Variants in PNCK observed in about 807,000 individuals in gnomAD.
PNCK encodes the protein pregnancy up-regulated nonubiquitous CaM kinase, also known as calcium/calmodulin-dependent protein kinase type 1B.
In PNCK, 21 loss-of-function variants were observed where a neutral mutation model predicts 28.3. The ratio of observed to expected loss-of-function variants is 0.74; its 90% confidence interval spans 0.53 to 1.07. The LOEUF (loss-of-function observed/expected upper bound fraction) is 1.07, where lower values mean the gene tolerates loss of function less well. Ranked by LOEUF, PNCK falls within the 50% of genes least tolerant of loss-of-function variation. PNCK has a pLI of 0.00. For missense variants in PNCK, 250 were observed against 298.3 expected, an observed-to-expected ratio of 0.84 and a Z score of 1.19; for synonymous variants, 136 against 125.2, an observed-to-expected ratio of 1.09 and a Z score of -0.58.
chrX:153,674,148 C>T (rs781933806), upstream of PNCK: 3 of 1,209,155 alleles, frequency 2.5e-6, no homozygotes, highest in Non-Finnish European at 3.4e-6. Flanking sequence ...CAGGCTGACC[C>T]GGCCACTTGC....
chrX:153,673,522 A>C (rs1569538812), intron 1 of PNCK: 2 of 361,089 alleles, frequency 5.5e-6, no homozygotes, highest in Non-Finnish European at 8.8e-6. Context: ...TGCACCTGCG[A>C]CCCCCGCGCG....
At chrX:153,675,522 T>C (rs1408762938), upstream of PNCK, among the ~76,000 whole-genome samples, 1 of 110,848 alleles carries the variant, frequency 9.0e-6, no homozygotes, top group Non-Finnish European at 1.9e-5. Flanking sequence ...GGGGTTTTTT[T>C]TGGTTTGTTA....
At chrX:153,676,507 T>C (rs1557041594), upstream of PNCK, among the ~76,000 whole-genome samples, 2 of 111,884 alleles carry the variant, frequency 1.8e-5, no homozygotes, top group African/African-American at 6.5e-5. Flanking sequence ...GGTGTACTCA[T>C]GTGGCAAAAC....
At chrX:153,678,731 G>A (rs529305165), upstream of PNCK, among the ~76,000 whole-genome samples, 1 of 111,289 alleles carries the variant, frequency 9.0e-6, no homozygotes, top group Middle Eastern at 4.6e-3. Flanking sequence ...CACCATTACA[G>A]CATCATACAG....
rs143688303 is a variant in PNCK at position 153,671,890 on chromosome X, C to G, written c.404G>C (p.Arg135Pro). ...GCCCCAGCCAGGCACCTTGAGGTCC[C>G]GGTGCACGATCCCCAGGCTGTGCAG... ...SYLHSLGIVH[R>P]DLKPENLLYA... The change falls in exon 5 of 12, where the codon CGG (arginine) becomes CCG (proline). Residue 135 changes from arginine to proline, a missense_variant. Physicochemically the swap from Arg to Pro is moderately radical, Grantham distance 103. Transcript: ENST00000340888. 1.7e-6 allele frequency: 2 copies of G among 1,208,052 alleles called. No homozygotes were observed. The highest frequency in any genetic ancestry group is 2.2e-6 in the Non-Finnish European group (2 of 894,350).
At chrX:153,679,142 T>C (rs1390698252), upstream of PNCK, among the ~76,000 whole-genome samples, 4 of 111,578 alleles carry the variant, frequency 3.6e-5, no homozygotes, top group African/African-American at 1.3e-4. Context: ...TATAAATATA[T>C]GTGGGGTGGT....
chrX:153,671,302 G>T lies in PNCK; in HGVS notation c.597C>A (p.Gly199=). The T allele has an allele frequency of 8.3e-7, 1 of 1,209,994 alleles. No individual in the cohort carries two copies. Among genetic ancestry groups the T allele is most frequent in the Non-Finnish European group, 1.1e-6 (1 of 894,344 alleles). Residue 199 remains glycine, a synonymous_variant, in exon 7 of 12, where the codon GGC becomes GGA. Transcript: ENST00000340888. The part of the protein sequence containing the change: ...YGKAVDVWAL[G]VISYILLCGY... ...TCACTCACAGGATGTAGGAGATGAC[G>T]CCCAGGGCCCACACATCTACGGCCT...
chrX:153,675,915 G>A (rs2091362898), upstream of PNCK, among the ~76,000 whole-genome samples: 1 of 109,958 alleles, frequency 9.1e-6, no homozygotes, highest in Admixed American at 9.5e-5. Context: ...GGCTGAGGCT[G>A]GAGGATCACT....
chrX:153,672,339 C>T, intron 3 of PNCK, 139 bp from the exon 4 acceptor site: 1 of 846,249 alleles, frequency 1.2e-6, no homozygotes. Context: ...CCTGCCCGGT[C>T]CAGGAAGGCA....
intron 11 of PNCK, 42 bp from the exon 12 acceptor site, chrX:153,670,172 G>A (rs2091275490): frequency 7.5e-6 from 3 of 399,827 alleles, no homozygotes; most frequent in South Asian, 3.4e-5. Context: ...GTCAGGAGCC[G>A]GCCTGCCAGC....
At chrX:153,675,461 G>A (rs995023927), upstream of PNCK, among the ~76,000 whole-genome samples, 11 of 111,692 alleles carry the variant, frequency 9.8e-5, no homozygotes, top group African/African-American at 3.6e-4. Context: ...AGGTGGCCCT[G>A]GCCTCATGTA....
chrX:153,673,932 G>C (rs1199975557), upstream of PNCK: 77 of 1,038,010 alleles, frequency 7.4e-5, no homozygotes, highest in Non-Finnish European at 8.4e-5. Flanking sequence ...AGGGCACCTT[G>C]TAAGGCAATC....
chrX:153,685,811 G>A (rs1206617286), intron 1 of PNCK, among the ~76,000 whole-genome samples: 2 of 113,386 alleles, frequency 1.8e-5, no homozygotes, highest in African/African-American at 6.4e-5. Context: ...TGCAGTTTGG[G>A]GTCTGGCCCA....
upstream of PNCK, among the ~76,000 whole-genome samples, chrX:153,675,987 C>CTTTTTTTTTTTTTTT (rs59527995): frequency 2.6e-4 from 21 of 79,946 alleles, no homozygotes; most frequent in Non-Finnish European, 2.7e-4. Flanking sequence ...TTTTTCTTTT[C>CTTTTTTTTTTTTTTT]TTTTTTTTTT....
At chrX:153,672,954 TACAC>T (rs10542443) in intron 2 of PNCK, 51 bp downstream of exon 2, 101,181 of 980,846 alleles carry the variant, frequency 0.1, 1,563 homozygotes, top group African/African-American at 0.2. Context: ...CTCACACAGG[TACAC>T]ACACACACAC....
chrX:153,677,912 G>GTA (rs1299040056), upstream of PNCK, among the ~76,000 whole-genome samples: 11 of 104,921 alleles, frequency 1.0e-4, no homozygotes, highest in Non-Finnish European at 1.3e-4. Context: ...TATATATAGT[G>GTA]TATATATATA....
At chrX:153,681,028 CAAAAAAAAAAAA>C (rs782745110) in intron 1 of PNCK, among the ~76,000 whole-genome samples, 1 of 30,225 alleles carries the variant, frequency 3.3e-5, no homozygotes, top group Non-Finnish European at 7.1e-5. Flanking sequence ...GAACCTGTCT[CAAAAAAAAAAAA>C]AAAAAAAAAA....
rs782752711 is a variant in PNCK at position 153,670,917 on chromosome X, C to T, written c.806+1G>A. 1 of 1,212,242 alleles carries T rather than the reference C, an allele frequency of 8.2e-7. No homozygotes were observed. The highest frequency in any genetic ancestry group is 1.1e-6 in the Non-Finnish European group (1 of 895,573). ...GGCAGCTCAGCAGGGCTCCCACTCA[C>T]CAAAGGTGCCGCAAGGCCTGTTGGC... On this transcript the variant is annotated splice_donor_variant, in intron 9 of 11. Transcript: ENST00000340888. LOFTEE classifies it high-confidence loss of function.
chrX:153,670,385 C>T lies in PNCK; in HGVS notation c.*7+65G>A. 5.9e-6 allele frequency: 7 copies of T among 1,188,693 alleles called. No homozygotes were observed. The South Asian group carries it at 7.3e-5, about 12-fold the overall frequency. ...CCACTTAGCTCTTGGCCACATGGAG[C>T]GCCACCACCCTCTAAGCTCTCCAAG... On this transcript the variant is annotated intron_variant, in intron 11 of 11. Coordinates refer to ENST00000340888, the MANE Select transcript of PNCK (RefSeq NM_001366977.1).
Sources: gnomAD v4.1 joint callset for allele counts (sites outside exome capture counted in the v4.1 genomes callset) on GRCh38, gnomAD v4.1.1 for gene constraint, MANE v1.5 for transcripts, NCBI Gene and HGNC (gene_info 2026-07-23, HGNC 2026-07-21) for gene names.